The following COPS8 variants were observed in gnomAD, a reference collection of about 807,000 sequenced individuals.
The protein encoded by COPS8 is COP9 signalosome subunit 8, also known as COP9 signalosome complex subunit 8.
COPS8 carries 11 observed loss-of-function variants against 31.5 expected under a neutral mutation model. The observed-to-expected ratio is 0.35, with a 90% CI of 0.22 to 0.58. The LOEUF is 0.58. Ranked by LOEUF, COPS8 falls within the 20% of genes least tolerant of loss-of-function variation. COPS8 has a pLI of 0.83. For missense variants in COPS8, 215 were observed against 255.1 expected (o/e 0.84, Z 1.07); for synonymous variants, 81 against 89.3 (o/e 0.91, Z 0.52).
chr2:237,094,107 G>T lies in COPS8; in HGVS notation c.349G>T (p.Ala117Ser). ...EALRDATRRR[A>S]FALVSQAYTS... ...CACAATAGATGCAACAAGGAGACGC[G>T]CCTTTGCCCTGGTCTCTCAAGCGTA... Residue 117 changes from alanine to serine, a missense_variant, in exon 5 of 8, where the codon GCC becomes TCC. Transcript: ENST00000354371. 6.2e-7 allele frequency: 1 copy of T among 1,613,308 alleles called. No individual in the cohort carries two copies. Among genetic ancestry groups the T allele is most frequent in the African/African-American group, 1.3e-5 (1 of 75,016 alleles).
At position 237,089,449 on chromosome 2, in the gene COPS8, G is replaced by T. The variant is rs796484664; in HGVS notation, c.199-413G>T. ...AGAGGCTACAATGTATGACATCTTAGATTGAGAGTCTCTATTGTTAACCAT... is the reference window on the plus strand; with the variant it reads ...AGAGGCTACAATGTATGACATCTTATATTGAGAGTCTCTATTGTTAACCAT... On this transcript the variant is annotated intron_variant, in intron 3 of 7. Transcript: ENST00000354371. Among the ~76,000 whole-genome samples, 7 of 152,232 alleles carry T rather than the reference G, an allele frequency of 4.6e-5. 1 individual carries two copies. Among genetic ancestry groups the T allele is most frequent in the African/African-American group, 1.7e-4 (7 of 41,536 alleles).
At chr2:237,093,980 TC>T in intron 4 of COPS8, 109 bp from the exon 5 acceptor site, 2 of 1,481,358 alleles carry the variant, frequency 1.4e-6, no homozygotes, top group South Asian at 2.9e-5. Flanking sequence ...TTTGGGTTCA[TC>T]TGGCCTTGCT....
At chr2:237,094,264 G>T in intron 5 of COPS8, 67 bp downstream of exon 5, 1 of 1,422,202 alleles carries the variant, frequency 7.0e-7, no homozygotes. Context: ...TAGGTTCACA[G>T]TCTCCTCTGA....
intron 1 of COPS8, 142 bp downstream of exon 1, chr2:237,086,184 C>G: frequency 2.6e-6 from 2 of 783,766 alleles, no homozygotes; most frequent in Non-Finnish European, 4.3e-6. Context: ...GTGTGGATCC[C>G]TGACCGCCGC....
intron 3 of COPS8, among the ~76,000 whole-genome samples, chr2:237,089,171 A>G (rs1474073697): frequency 6.6e-6 from 1 of 152,238 alleles, no homozygotes; most frequent in Non-Finnish European, 1.5e-5. Flanking sequence ...ATGTCAAATG[A>G]TTCCATGTGT....
At chr2:237,096,943 G>T (rs913445899) in intron 7 of COPS8, 74 bp downstream of exon 7, 1 of 905,398 alleles carries the variant, frequency 1.1e-6, no homozygotes. Flanking sequence ...ATATGTATAT[G>T]TGTGTGTGAG....
At chr2:237,091,484 G>A (rs1386989714) in intron 4 of COPS8, among the ~76,000 whole-genome samples, 1 of 152,190 alleles carries the variant, frequency 6.6e-6, no homozygotes, top group Non-Finnish European at 1.5e-5. Context: ...ATTCATGAAT[G>A]GTACTGTGGT....
intron 1 of COPS8, among the ~76,000 whole-genome samples, chr2:237,086,449 C>A (rs1696614702): frequency 6.6e-6 from 1 of 152,072 alleles, no homozygotes; most frequent in Non-Finnish European, 1.5e-5. Flanking sequence ...AAAATGTGAC[C>A]ATTGTAACCT....
At chr2:237,096,491 C>T (rs1482435182) in intron 6 of COPS8, among the ~76,000 whole-genome samples, 1 of 152,136 alleles carries the variant, frequency 6.6e-6, no homozygotes, top group Non-Finnish European at 1.5e-5. Context: ...GCTTAATGCC[C>T]ACTTCCATAA....
chr2:237,096,632 A>C (rs113702298), intron 6 of COPS8, 190 bp from the exon 7 acceptor site: 5 of 635,648 alleles, frequency 7.9e-6, no homozygotes, highest in African/African-American at 1.8e-5. Context: ...GTGAGAAGAC[A>C]TGATCCCAGT....
chr2:237,088,512 T>A, intron 2 of COPS8, 93 bp from the exon 3 acceptor site: 1 of 813,088 alleles, frequency 1.2e-6, no homozygotes, highest in South Asian at 1.7e-5. Flanking sequence ...AGTATACTTC[T>A]GTATGTTTGG....
At position 237,095,918 on chromosome 2, in the gene COPS8, G is replaced by T. The variant is rs746735084; in HGVS notation, c.502+34G>T. On this transcript the variant is annotated intron_variant, in intron 6 of 7. Transcript: ENST00000354371. The stretch of plus-strand genomic sequence containing the variant: ...AGCTTTCACCCATTTACGCAGCACT[G>T]GACTCTTCTAAGACTGCTTCAGGTT... 14 of 1,477,128 alleles carry T rather than the reference G, an allele frequency of 9.5e-6. No individual in the cohort carries two copies. In the South Asian group the frequency reaches 1.5e-4, roughly 16 times the overall value. 91.5% of individuals were successfully genotyped at this position (1,477,128 alleles called of 1,614,324 possible). A position where few individuals can be genotyped will look rare whatever the true frequency, so the allele number is the denominator to read the frequency against.
chr2:237,097,319 G>T (rs1370480265), intron 7 of COPS8, among the ~76,000 whole-genome samples: 8 of 142,848 alleles, frequency 5.6e-5, no homozygotes, highest in Admixed American at 3.7e-4. Flanking sequence ...ATTTAATGTT[G>T]CATGGGTAAG....
intron 5 of COPS8, among the ~76,000 whole-genome samples, chr2:237,095,601 T>C (rs1456877536): frequency 6.6e-6 from 1 of 152,212 alleles, no homozygotes; most frequent in Non-Finnish European, 1.5e-5. Flanking sequence ...TTAATGATTA[T>C]AGCAACCTAA....
rs570645439 is a variant in COPS8 at position 237,098,033 on chromosome 2, T to C, written c.*291T>C. ...TCATAAAATAAGATTTCCTGTTTCA[T>C]GTAGAATAGTGTTTGTCAACTGTCT... On this transcript the variant is annotated 3_prime_UTR_variant, in exon 8 of 8. Transcript: ENST00000354371. The C allele has an allele frequency of 4.1e-4, 110 of 265,880 alleles. No homozygotes were observed. Among genetic ancestry groups the C allele is most frequent in the Non-Finnish European group, 6.4e-4 (88 of 138,130 alleles). 16.5% of individuals were successfully genotyped at this position (265,880 alleles called of 1,614,324 possible).
chr2:237,089,835 C>A, intron 3 of COPS8, 27 bp from the exon 4 acceptor site: 1 of 1,607,206 alleles, frequency 6.2e-7, no homozygotes, highest in Non-Finnish European at 8.5e-7. Context: ...GAGTGAATAC[C>A]CTCTAAGGCA....
chr2:237,097,224 CTTTT>C lies in COPS8; in HGVS notation c.550+372_550+375del, dbSNP rs996251270. Among the ~76,000 whole-genome samples the C allele has an allele frequency of 7.1e-3, 677 of 95,996 alleles. 5 individuals are homozygous for C. Among genetic ancestry groups the C allele is most frequent in the African/African-American group, 0.024 (639 of 26,262 alleles). 63.0% of individuals were successfully genotyped at this position (95,996 alleles called of 152,430 possible). A position where few individuals can be genotyped will look rare whatever the true frequency, so the allele number is the denominator to read the frequency against. On this transcript the variant is annotated intron_variant, in intron 7 of 7. Coordinates refer to ENST00000354371, the MANE Select transcript of COPS8 (RefSeq NM_006710.5). ...TTCCTTGAGGTTCTTTGTGGGTTTT[CTTTT>C]TTTTTTTTTTTTTTTTGGTTTGTTG...
rs577061147 is a variant in COPS8 at position 237,099,536 on chromosome 2, A to G, written c.*1794A>G. 1 of 152,164 alleles carries G rather than the reference A, an allele frequency of 6.6e-6. No individual in the cohort carries two copies. Among genetic ancestry groups the G allele is most frequent in the Non-Finnish European group, 1.5e-5 (1 of 68,028 alleles). The allele number at this position is 152,164 out of a possible 1,614,324, so 9.4% of individuals were successfully genotyped here. On this transcript the variant is annotated 3_prime_UTR_variant, in exon 8 of 8. Transcript: ENST00000354371. ...ATATCTTTTTTATTATTAAAAGTAT[A>G]GATTAAATTAATAATCATGTAACAT...
chr2:237,088,487 C>A (rs1696656304), intron 2 of COPS8, 118 bp from the exon 3 acceptor site: 2 of 533,712 alleles, frequency 3.7e-6, no homozygotes, highest in Non-Finnish European at 6.5e-6. Context: ...CTAAATTTTA[C>A]TTTGTGTTAT....
Sources: gnomAD v4.1 joint callset for allele counts (sites outside exome capture counted in the v4.1 genomes callset) on GRCh38, gnomAD v4.1.1 for gene constraint, MANE v1.5 for transcripts, NCBI Gene and HGNC (gene_info 2026-07-23, HGNC 2026-07-21) for gene names.